Variants in RAB38 observed in about 807,000 individuals in gnomAD.
RAB38 encodes the protein RAB38, member RAS oncogene family, also known as ras-related protein Rab-38.
A neutral mutation model predicts 18.4 loss-of-function variants in RAB38; 15 were observed. The observed-to-expected ratio is 0.82, with a 90% CI of 0.55 to 1.26. RAB38 has a LOEUF of 1.26. RAB38 is among the 50% of genes most tolerant of loss of function. RAB38 has a pLI of 0.00. For missense variants in RAB38, 294 were observed against 267.4 expected (o/e 1.10, Z -0.69); for synonymous variants, 101 against 104.4 (o/e 0.97, Z 0.20).
the RAB38 span, among the ~76,000 whole-genome samples, chr11:87,953,986 T>C: frequency 6.6e-6 from 1 of 152,138 alleles, no homozygotes. Flanking sequence ...GGAAAGACAT[T>C]CCAGCAGGAG....
chr11:87,901,550 T>C, the RAB38 span, among the ~76,000 whole-genome samples: 1 of 151,558 alleles, frequency 6.6e-6, no homozygotes, highest in Non-Finnish European at 1.5e-5. Flanking sequence ...GAAGCATATT[T>C]CCTAAGGCTG....
the RAB38 span, among the ~76,000 whole-genome samples, chr11:87,859,758 G>C: frequency 6.6e-6 from 1 of 151,966 alleles, no homozygotes; most frequent in Non-Finnish European, 1.5e-5. Flanking sequence ...GGTCAACAGG[G>C]CTTACTTCTT....
chr11:88,033,290 G>C, the RAB38 span, among the ~76,000 whole-genome samples: 3,250 of 151,964 alleles, frequency 0.021, 101 homozygotes, highest in African/African-American at 0.073. Context: ...TGACGAGTTA[G>C]TGGGTGCAGC....
At chr11:88,004,441 C>G in the RAB38 span, among the ~76,000 whole-genome samples, 4 of 151,150 alleles carry the variant, frequency 2.6e-5, no homozygotes, top group Admixed American at 6.6e-5. Flanking sequence ...CTATCAAAAA[C>G]TATCAGAAAA....
intron 1 of RAB38, among the ~76,000 whole-genome samples, chr11:88,163,216 C>G (rs1023063343): frequency 6.6e-6 from 1 of 152,036 alleles, no homozygotes; most frequent in African/African-American, 2.4e-5. Flanking sequence ...ACACAGGTAC[C>G]CTAAGAGGCT....
the RAB38 span, among the ~76,000 whole-genome samples, chr11:87,836,305 CTT>C: frequency 6.6e-6 from 1 of 152,166 alleles, no homozygotes; most frequent in Non-Finnish European, 1.5e-5. Context: ...ATATATTTCT[CTT>C]TAATCTGTCC....
the RAB38 span, among the ~76,000 whole-genome samples, chr11:88,095,239 T>A: frequency 6.6e-6 from 1 of 151,962 alleles, no homozygotes; most frequent in African/African-American, 2.4e-5. Flanking sequence ...ATTCCTGACA[T>A]AATCCCATTT....
chr11:87,965,564 G>A, the RAB38 span, among the ~76,000 whole-genome samples: 2 of 152,268 alleles, frequency 1.3e-5, no homozygotes, highest in African/African-American at 4.8e-5. Flanking sequence ...ATAGGGTCAG[G>A]CTCTATTCCT....
chr11:88,060,013 CACTG>C, the RAB38 span, among the ~76,000 whole-genome samples: 1 of 152,164 alleles, frequency 6.6e-6, no homozygotes, highest in Non-Finnish European at 1.5e-5. Flanking sequence ...ATTTTATGAA[CACTG>C]ACTGAGCTCA....
At chr11:88,115,264 G>C (rs932403697) in intron 2 of RAB38, among the ~76,000 whole-genome samples, 4 of 151,360 alleles carry the variant, frequency 2.6e-5, no homozygotes, top group African/African-American at 9.7e-5. Context: ...AAGAGACAAG[G>C]CTTTCTCGTT....
chr11:87,973,072 G>A, the RAB38 span, among the ~76,000 whole-genome samples: 1 of 151,782 alleles, frequency 6.6e-6, no homozygotes, highest in African/African-American at 2.4e-5. Context: ...CATGCTTCCT[G>A]CACAGCCCAC....
chr11:87,844,894 C>T, the RAB38 span, among the ~76,000 whole-genome samples: 1 of 152,148 alleles, frequency 6.6e-6, no homozygotes, highest in South Asian at 2.1e-4. Context: ...TGAGCCTAAC[C>T]TCTGAGACAC....
At chr11:87,964,354 G>C in the RAB38 span, among the ~76,000 whole-genome samples, 1 of 152,040 alleles carries the variant, frequency 6.6e-6, no homozygotes, top group Non-Finnish European at 1.5e-5. Context: ...GGTTAGTCTG[G>C]ACTTATTCAT....
the RAB38 span, among the ~76,000 whole-genome samples, chr11:87,897,128 A>G: frequency 6.6e-6 from 1 of 151,596 alleles, no homozygotes; most frequent in African/African-American, 2.4e-5. Flanking sequence ...ACATGTAAAC[A>G]TGAGTTTAAA....
At chr11:87,946,148 T>A in the RAB38 span, among the ~76,000 whole-genome samples, 1 of 152,180 alleles carries the variant, frequency 6.6e-6, no homozygotes, top group Admixed American at 6.5e-5. Flanking sequence ...ACTTACCAAA[T>A]ATCTTAAAGG....
the RAB38 span, among the ~76,000 whole-genome samples, chr11:87,922,823 G>T: frequency 2.6e-5 from 4 of 151,568 alleles, no homozygotes; most frequent in African/African-American, 9.7e-5. Flanking sequence ...AGGGAAAAGG[G>T]AGGGAGGGGA....
the RAB38 span, among the ~76,000 whole-genome samples, chr11:88,078,033 A>G: frequency 6.6e-6 from 1 of 152,136 alleles, no homozygotes; most frequent in Non-Finnish European, 1.5e-5. Context: ...ACATTACTCA[A>G]AAGAAGACCT....
the RAB38 span, among the ~76,000 whole-genome samples, chr11:87,806,086 C>T: frequency 6.6e-6 from 1 of 152,156 alleles, no homozygotes; most frequent in Non-Finnish European, 1.5e-5. Context: ...AATTAGCCAT[C>T]AGAGCAAGTA....
At chr11:87,937,080 T>C in the RAB38 span, among the ~76,000 whole-genome samples, 1 of 151,854 alleles carries the variant, frequency 6.6e-6, no homozygotes, top group East Asian at 1.9e-4. Flanking sequence ...CAGTCTTTAA[T>C]CATGAAGTAT....
Sources: gnomAD v4.1 joint callset for allele counts (sites outside exome capture counted in the v4.1 genomes callset) on GRCh38, gnomAD v4.1.1 for gene constraint, MANE v1.5 for transcripts, NCBI Gene and HGNC (gene_info 2026-07-23, HGNC 2026-07-21) for gene names.